UNC13C: variants seen among roughly 807,000 people sequenced by gnomAD.
The protein encoded by UNC13C is protein unc-13 homolog C.
A neutral mutation model predicts 245.4 loss-of-function variants in UNC13C; 174 were observed. That is an observed-to-expected ratio of 0.71 (90% confidence interval 0.63 to 0.80). The LOEUF is 0.80. Ranked by LOEUF, UNC13C falls within the 30% of genes least tolerant of loss-of-function variation. The pLI is 0.00. For missense variants in UNC13C, 2,829 were observed against 2,602.9 expected, an observed-to-expected ratio of 1.09 and a Z score of -1.89; for synonymous variants, 992 against 895.1, an observed-to-expected ratio of 1.11 and a Z score of -1.93.
chr15:54,033,173 A>T (rs1005730124), intron 2 of UNC13C, among the ~76,000 whole-genome samples: 6 of 152,208 alleles, frequency 3.9e-5, no homozygotes, highest in Non-Finnish European at 8.8e-5. Flanking sequence ...ATAATGGCAT[A>T]GATGTAATTA....
the UNC13C span, among the ~76,000 whole-genome samples, chr15:53,844,187 T>C: frequency 7.9e-5 from 12 of 152,196 alleles, no homozygotes; most frequent in Non-Finnish European, 1.6e-4. Flanking sequence ...TCACTGTAGA[T>C]AAGCATGTTT....
At chr15:54,042,818 A>C (rs1043140875) in intron 2 of UNC13C, among the ~76,000 whole-genome samples, 1 of 152,030 alleles carries the variant, frequency 6.6e-6, no homozygotes, top group African/African-American at 2.4e-5. Flanking sequence ...GTGCCACTGC[A>C]CTCCAGCCTG....
intron 30 of UNC13C, among the ~76,000 whole-genome samples, chr15:54,574,864 A>G (rs1897892528): frequency 6.6e-6 from 1 of 152,158 alleles, no homozygotes; most frequent in Admixed American, 6.5e-5. Context: ...GAAGTAGAGT[A>G]TAATGTATTT....
intron 2 of UNC13C, among the ~76,000 whole-genome samples, chr15:54,106,800 C>G (rs1900470267): frequency 6.6e-6 from 1 of 152,156 alleles, no homozygotes; most frequent in Non-Finnish European, 1.5e-5. Flanking sequence ...GGCAACTAGA[C>G]AATAGTGAAC....
At chr15:53,973,244 G>A (rs985782322), upstream of UNC13C, among the ~76,000 whole-genome samples, 1 of 151,968 alleles carries the variant, frequency 6.6e-6, no homozygotes, top group East Asian at 1.9e-4. Context: ...TATGAATGGA[G>A]GGCAGATTAT....
intron 24 of UNC13C, among the ~76,000 whole-genome samples, chr15:54,516,618 G>A (rs1229826260): frequency 6.6e-6 from 1 of 151,982 alleles, no homozygotes; most frequent in Admixed American, 6.6e-5. Context: ...GCCTAACATG[G>A]CAAAATCCTG....
chr15:53,885,210 T>C, the UNC13C span, among the ~76,000 whole-genome samples: 287 of 152,360 alleles, frequency 1.9e-3, no homozygotes, highest in Middle Eastern at 0.014. Context: ...CCAAGGTCTT[T>C]CTGAACTTCT....
At chr15:54,248,485 T>C (rs2036055767) in intron 7 of UNC13C, among the ~76,000 whole-genome samples, 1 of 152,224 alleles carries the variant, frequency 6.6e-6, no homozygotes, top group South Asian at 2.1e-4. Context: ...GAATAATACA[T>C]GCTTCTAATT....
chr15:54,520,665 G>A (rs117310119), intron 24 of UNC13C, among the ~76,000 whole-genome samples: 1 of 152,262 alleles, frequency 6.6e-6, no homozygotes, highest in Non-Finnish European at 1.5e-5. Flanking sequence ...CAAATCACAG[G>A]CAGTTAGAGA....
intron 2 of UNC13C, among the ~76,000 whole-genome samples, chr15:54,119,803 T>C (rs1176908188): frequency 5.3e-5 from 8 of 152,104 alleles, no homozygotes; most frequent in Admixed American, 4.6e-4. Flanking sequence ...TTATTGCTCA[T>C]ATAAAGAAAG....
the UNC13C span, among the ~76,000 whole-genome samples, chr15:53,857,359 A>G: frequency 3.3e-5 from 5 of 152,196 alleles, no homozygotes; most frequent in African/African-American, 9.6e-5. Context: ...AGTGAATTTT[A>G]TAGAAATTAA....
chr15:54,447,751 G>T (rs116320399), intron 19 of UNC13C, among the ~76,000 whole-genome samples: 8 of 151,814 alleles, frequency 5.3e-5, no homozygotes, highest in Non-Finnish European at 1.0e-4. Context: ...TTTTTTGAAG[G>T]GTTTTCTGTG....
In UNC13C at chr15:54,346,241, AG is replaced by A. The variant is rs66884432; in HGVS notation, c.4713+7753del. On this transcript the variant is annotated intron_variant, in intron 17 of 32. Transcript: ENST00000260323. ...ATTATCTAATAAAAATAACATTTAA[AG>A]AAAAAGGCAGTGCCTTAGTTACTTA... is the stretch of plus-strand genomic sequence containing the variant. Among the ~76,000 whole-genome samples, 12 of 151,980 alleles carry A rather than the reference AG, an allele frequency of 7.9e-5. No individual in the cohort carries two copies. In the South Asian group the frequency reaches 1.0e-3, roughly 13 times the overall value.
intron 2 of UNC13C, among the ~76,000 whole-genome samples, chr15:54,066,556 A>C (rs1468861962): frequency 1.3e-5 from 2 of 152,200 alleles, no homozygotes; most frequent in East Asian, 3.8e-4. Context: ...ACCCCACTGC[A>C]AGGTGGCCAC....
chr15:54,620,555 G>A (rs1566943909), intron 30 of UNC13C, among the ~76,000 whole-genome samples: 2 of 152,134 alleles, frequency 1.3e-5, no homozygotes, highest in Middle Eastern at 3.4e-3. Context: ...ATTTCTTAAA[G>A]TTTCATTCTG....
At chr15:54,202,428 G>C (rs12899723) in intron 4 of UNC13C, among the ~76,000 whole-genome samples, 22,968 of 151,932 alleles carry the variant, frequency 0.15, 2,105 homozygotes, top group Middle Eastern at 0.24. Flanking sequence ...TATACTATAA[G>C]CCATAGTCAC....
At chr15:53,963,655 G>A in the UNC13C span, among the ~76,000 whole-genome samples, 1 of 152,184 alleles carries the variant, frequency 6.6e-6, no homozygotes, top group South Asian at 2.1e-4. Flanking sequence ...ATGTGTATAA[G>A]AGGAGCCCTG....
chr15:54,267,305 CT>C (rs1463701182), intron 10 of UNC13C, among the ~76,000 whole-genome samples: 1 of 146,078 alleles, frequency 6.8e-6, no homozygotes. Flanking sequence ...CAAAAAAACC[CT>C]GATGGAATTT....
chr15:53,993,106 C>G (rs1894464047), intron 1 of UNC13C, among the ~76,000 whole-genome samples: 3 of 152,040 alleles, frequency 2.0e-5, no homozygotes, highest in Admixed American at 1.3e-4. Flanking sequence ...TCTGGAGTCA[C>G]TTCCTCAGTG....
Sources: gnomAD v4.1 joint callset for allele counts (sites outside exome capture counted in the v4.1 genomes callset) on GRCh38, gnomAD v4.1.1 for gene constraint, MANE v1.5 for transcripts, NCBI Gene and HGNC (gene_info 2026-07-23, HGNC 2026-07-21) for gene names.